Variants in SUSD1 observed in about 807,000 individuals in gnomAD.
SUSD1 encodes sushi domain containing 1, also known as sushi domain-containing protein 1.
Under a neutral mutation model 86.9 loss-of-function variants are expected in SUSD1, and 65 were observed. The observed-to-expected ratio is 0.75, with a 90% confidence interval of 0.61 to 0.92. SUSD1 has a LOEUF of 0.92. Among genes scored for constraint, SUSD1 ranks in the 40% least tolerant of loss-of-function variants. SUSD1 has a pLI of 0.00. For missense variants in SUSD1, 850 were observed against 929.7 expected (o/e 0.91, Z 1.11); for synonymous variants, 346 against 350.0 (o/e 0.99, Z 0.13).
chr9:112,148,308 G>A (rs1247807290), intron 3 of SUSD1, among the ~76,000 whole-genome samples: 2 of 152,082 alleles, frequency 1.3e-5, no homozygotes, highest in Non-Finnish European at 2.9e-5. Flanking sequence ...CAGAGGAGCC[G>A]CTAAAAATTA....
chr9:112,080,384 C>T lies in SUSD1; in HGVS notation c.1475-219G>A, dbSNP rs115995555. On this transcript the variant is annotated intron_variant, in intron 10 of 16. Coordinates refer to ENST00000374270, the MANE Select transcript of SUSD1 (RefSeq NM_022486.5). ...TCCAAAGATACCTAATCGGAGGACC[C>T]CTCTTAAGAATTATTTGAGTGGGCC... Among the ~76,000 whole-genome samples, 434 of 152,110 alleles carry T rather than the reference C, an allele frequency of 2.9e-3. 1 individual carries two copies. The highest frequency in any genetic ancestry group is 1.0e-2 in the African/African-American group (415 of 41,510).
intron 10 of SUSD1, among the ~76,000 whole-genome samples, chr9:112,081,519 G>T (rs1333819013): frequency 7.9e-5 from 12 of 152,240 alleles, no homozygotes. Context: ...CAGGTTTGGA[G>T]ATTAGTAGTA....
chr9:112,086,356 C>A (rs2131577669), intron 10 of SUSD1, among the ~76,000 whole-genome samples: 1 of 149,666 alleles, frequency 6.7e-6, no homozygotes, highest in South Asian at 2.2e-4. Context: ...ATATGAAATT[C>A]CAGCAAAATT....
chr9:112,080,575 C>T (rs1829721132), intron 10 of SUSD1, among the ~76,000 whole-genome samples: 1 of 151,774 alleles, frequency 6.6e-6, no homozygotes, highest in African/African-American at 2.4e-5. Flanking sequence ...GTAGTCCCAG[C>T]TACTTGGGAG....
In SUSD1 at chr9:112,142,487, CCA is replaced by C; in HGVS notation, c.537_538del (p.Cys179TrpfsTer5). ...GCCATCTGGAACCTCAGGAGGGGTA[CCA>C]CAGTCTATTTCTGAAAATAAATTAA... On this transcript the variant is annotated frameshift_variant, in exon 5 of 17. Transcript: ENST00000374270. LOFTEE classifies it high-confidence loss of function. The C allele has an allele frequency of 4.4e-6, 7 of 1,606,346 alleles. No homozygotes were observed. The highest frequency in any genetic ancestry group is 5.9e-6 in the Non-Finnish European group (7 of 1,178,396).
At chr9:112,081,703 T>C (rs374593240) in intron 10 of SUSD1, among the ~76,000 whole-genome samples, 25 of 152,194 alleles carry the variant, frequency 1.6e-4, no homozygotes, top group African/African-American at 4.6e-4. Flanking sequence ...AAACATCCTA[T>C]GCCAAATTTG....
intron 15 of SUSD1, among the ~76,000 whole-genome samples, chr9:112,048,508 T>C (rs1348151968): frequency 6.6e-6 from 1 of 152,196 alleles, no homozygotes; most frequent in Non-Finnish European, 1.5e-5. Context: ...CTATGCTTCA[T>C]TTCCCATAAA....
intron 8 of SUSD1, among the ~76,000 whole-genome samples, chr9:112,107,892 A>G (rs769732802): frequency 3.3e-5 from 5 of 152,232 alleles, no homozygotes; most frequent in Admixed American, 2.0e-4. Context: ...GAAGTCCTGA[A>G]TAACCTTATT....
intron 5 of SUSD1, among the ~76,000 whole-genome samples, chr9:112,129,524 G>A (rs1005992709): frequency 1.3e-5 from 2 of 152,106 alleles, no homozygotes; most frequent in African/African-American, 4.8e-5. Flanking sequence ...TGTTGCCCAG[G>A]CTGGCCTCAA....
Position 112,124,285 on chromosome 9 carries a change from G to C in SUSD1, c.858C>G (p.Thr286=). 6.2e-7 allele frequency: 1 copy of C among 1,613,974 alleles called. No individual in the cohort carries two copies. Among genetic ancestry groups the C allele is most frequent in the Admixed American group, 1.7e-5 (1 of 60,008 alleles). The part of the protein sequence containing the change: ...KITSVCTEKG[T]WRESTLTCTE... Reference sequence around the variant, plus strand: ...TGCATGTTAAAGTACTTTCTCTCCAGGTGCCTTTCTCTGTGCAAACAGAAG... The same window carrying C: ...TGCATGTTAAAGTACTTTCTCTCCACGTGCCTTTCTCTGTGCAAACAGAAG... Residue 286 remains threonine, a synonymous_variant, in exon 6 of 17, where the codon ACC becomes ACG. Coordinates refer to ENST00000374270, the MANE Select transcript of SUSD1 (RefSeq NM_022486.5).
At chr9:112,074,622 T>C (rs1829433910) in intron 12 of SUSD1, among the ~76,000 whole-genome samples, 1 of 152,290 alleles carries the variant, frequency 6.6e-6, no homozygotes, top group Admixed American at 6.5e-5. Flanking sequence ...TTCTGGGAAA[T>C]GAGCAGCTAC....
At chr9:112,109,543 T>C (rs1384073027) in intron 8 of SUSD1, among the ~76,000 whole-genome samples, 1 of 152,224 alleles carries the variant, frequency 6.6e-6, no homozygotes, top group African/African-American at 2.4e-5. Context: ...CAATTCCCTT[T>C]AGTCCAGAGA....
Position 112,058,494 on chromosome 9 carries a change from A to T in SUSD1, c.2043T>A (p.Tyr681Ter). 3 of 1,614,192 alleles carry T rather than the reference A, an allele frequency of 1.9e-6. No individual in the cohort carries two copies. Among genetic ancestry groups the T allele is most frequent in the Non-Finnish European group, 2.5e-6 (3 of 1,180,022 alleles). The stretch of plus-strand genomic sequence containing the variant: ...CACTCCCTCTTTTCAAGGGTGCATT[A>T]TAATATTCCCCATAGTACAGCCTGT... ...IGDRLYYGEYYNAPLKRGSDY... is the reference protein window; with the variant it reads ...IGDRLYYGEY Residue 681 changes from tyrosine (Y) to a stop codon, truncating the protein, a stop_gained, in exon 14 of 17, where the codon TAT (tyrosine) becomes TAA (stop). Coordinates refer to ENST00000374270, the MANE Select transcript of SUSD1 (RefSeq NM_022486.5). LOFTEE classifies it high-confidence loss of function.
chr9:112,059,491 G>A (rs1828616104), intron 13 of SUSD1, among the ~76,000 whole-genome samples: 1 of 152,210 alleles, frequency 6.6e-6, no homozygotes, highest in East Asian at 1.9e-4. Flanking sequence ...CAGAACTCAT[G>A]TGATTTACAT....
At chr9:112,152,933 G>GA (rs111854222) in intron 2 of SUSD1, among the ~76,000 whole-genome samples, 68,620 of 149,474 alleles carry the variant, frequency 0.46, 16,556 homozygotes, top group African/African-American at 0.62. Context: ...TTTTTAATTG[G>GA]AAAAAAAATG....
At chr9:112,068,069 G>C (rs547552307) in intron 12 of SUSD1, among the ~76,000 whole-genome samples, 2 of 152,268 alleles carry the variant, frequency 1.3e-5, no homozygotes, top group South Asian at 2.1e-4. Flanking sequence ...GTGCTAGGCT[G>C]GGGGAGACAA....
At chr9:112,106,807 T>C (rs1252822323) in intron 8 of SUSD1, among the ~76,000 whole-genome samples, 1 of 116,748 alleles carries the variant, frequency 8.6e-6, no homozygotes, top group Non-Finnish European at 1.8e-5. Flanking sequence ...AATATTTCAG[T>C]CTTAACACTG....
At chr9:112,119,181 G>A (rs1831450511) in intron 6 of SUSD1, among the ~76,000 whole-genome samples, 1 of 152,206 alleles carries the variant, frequency 6.6e-6, no homozygotes, top group Admixed American at 6.5e-5. Context: ...GGTTTTAAGA[G>A]GATGAAATGA....
Position 112,058,460 on chromosome 9 carries a change from T to C in SUSD1, c.2077A>G (p.Ile693Val), listed in dbSNP as rs748017539. 71 of 1,614,048 alleles carry C rather than the reference T, an allele frequency of 4.4e-5. No homozygotes were observed. Among genetic ancestry groups the C allele is most frequent in the Non-Finnish European group, 5.9e-5 (70 of 1,180,010 alleles). The change falls in exon 14 of 17, where the codon ATT becomes GTT. Residue 693 changes from isoleucine (I) to valine (V), a missense_variant. Coordinates refer to ENST00000374270, the MANE Select transcript of SUSD1 (RefSeq NM_022486.5). ...CATTCACTTGTGATTCGTAATATAA[T>C]GCAGTAATCACTCCCTCTTTTCAAG... ...APLKRGSDYC[I>V]ILRITSEWNK...
Sources: gnomAD v4.1 joint callset for allele counts (sites outside exome capture counted in the v4.1 genomes callset) on GRCh38, gnomAD v4.1.1 for gene constraint, MANE v1.5 for transcripts, NCBI Gene and HGNC (gene_info 2026-07-23, HGNC 2026-07-21) for gene names.